The following SHANK2 variants were observed in gnomAD, a reference collection of about 807,000 sequenced individuals.
The protein encoded by SHANK2 is SH3 and multiple ankyrin repeat domains 2.
A neutral mutation model predicts 133.7 loss-of-function variants in SHANK2; 43 were observed. The ratio of observed to expected loss-of-function variants is 0.32; its 90% CI spans 0.25 to 0.41. The LOEUF (loss-of-function observed/expected upper bound fraction) is 0.41, where lower values mean the gene tolerates loss of function less well. Among genes scored for constraint, SHANK2 ranks in the 10% least tolerant of loss-of-function variants. The pLI is 1.00. For missense variants in SHANK2, 1,994 were observed against 2,235.8 expected, an observed-to-expected ratio of 0.89 and a Z score of 2.18; for synonymous variants, 1,017 against 952.8, an observed-to-expected ratio of 1.07 and a Z score of -1.24.
rs971522679 is a variant in SHANK2, at chr11:70,535,557, C to G, written c.2062-32626G>C. Among the ~76,000 whole-genome samples, 1 of 152,250 alleles carries G rather than the reference C, an allele frequency of 6.6e-6. No homozygotes were observed. The highest frequency in any genetic ancestry group is 1.5e-5 in the Non-Finnish European group (1 of 68,044). ...CCATCAGTCTATTCATCTGTCTGTT[C>G]GTCCATCTCCCCGTCCTTCTGTCTG... On this transcript the variant is annotated intron_variant, in intron 17 of 25. Transcript: ENST00000601538. The surrounding 1 kb of genome is among the most constrained non-coding windows in gnomAD (Gnocchi z 4.3).
chr11:70,541,380 T>A (rs1403546544), intron 17 of SHANK2, among the ~76,000 whole-genome samples: 1 of 152,208 alleles, frequency 6.6e-6, no homozygotes, highest in Non-Finnish European at 1.5e-5. Flanking sequence ...ATCCTTGGCT[T>A]CATCAAGAAA....
chr11:70,833,016 G>A (rs1278465131), intron 11 of SHANK2, among the ~76,000 whole-genome samples: 2 of 152,250 alleles, frequency 1.3e-5, no homozygotes, highest in Non-Finnish European at 1.5e-5. Flanking sequence ...CGTCCTCACT[G>A]CATTTGGAGT....
In SHANK2 at chr11:71,188,295, C is replaced by T. The variant is rs1455880362; in HGVS notation, c.-13+36402G>A. Among the ~76,000 whole-genome samples the T allele has an allele frequency of 3.3e-5, 5 of 152,086 alleles. No individual in the cohort carries two copies. Among genetic ancestry groups the T allele is most frequent in the African/African-American group, 1.2e-4 (5 of 41,392 alleles). ...GAGCTGCCCACTCACCATCCTACCC[C>T]CATCTGCCCAGCCCCTTCCAGCATA... On this transcript the variant is annotated intron_variant, in intron 2 of 25. Coordinates refer to ENST00000601538, the MANE Select transcript of SHANK2 (RefSeq NM_012309.5). This position sits in a 1 kb window ranked among gnomAD's most constrained non-coding sequence, Gnocchi z 4.6.
chr11:70,900,880 G>C (rs1950013120), intron 10 of SHANK2, among the ~76,000 whole-genome samples: 2 of 152,058 alleles, frequency 1.3e-5, no homozygotes, highest in Admixed American at 6.6e-5. Flanking sequence ...GTGTCAGGCT[G>C]GTGTCAGGCT....
intron 17 of SHANK2, among the ~76,000 whole-genome samples, chr11:70,517,100 G>A (rs1047597146): frequency 3.9e-5 from 6 of 152,258 alleles, no homozygotes; most frequent in African/African-American, 1.4e-4. Context: ...ACTCACCAAA[G>A]AAGATACACA....
intron 8 of SHANK2, among the ~76,000 whole-genome samples, chr11:71,082,711 G>T (rs944535492): frequency 6.6e-6 from 1 of 152,228 alleles, no homozygotes; most frequent in African/African-American, 2.4e-5. Flanking sequence ...ATCCGGCCAG[G>T]GATGGGCAGG....
chr11:71,083,643 TTG>T lies in SHANK2; in HGVS notation c.913-8370_913-8369del, dbSNP rs1951331553. Among the ~76,000 whole-genome samples the T allele has an allele frequency of 4.6e-5, 7 of 152,136 alleles. No homozygotes were observed. In the South Asian group the frequency reaches 1.2e-3, roughly 27 times the overall value. ...AGAGAGGGAGGGAGAGAGCCAGGCT[TTG>T]CCCCAAGGAAGGTACCGGGGTTCAG... On this transcript the variant is annotated intron_variant, in intron 8 of 25. Transcript: ENST00000601538.
At chr11:71,247,508 C>T (rs573720349) in intron 1 of SHANK2, among the ~76,000 whole-genome samples, 3 of 146,026 alleles carry the variant, frequency 2.1e-5, no homozygotes, top group African/African-American at 7.6e-5. Flanking sequence ...CTTTCAGGGA[C>T]AGACAAAAAA....
At chr11:70,784,115 C>G (rs1947581607) in intron 14 of SHANK2, among the ~76,000 whole-genome samples, 1 of 152,054 alleles carries the variant, frequency 6.6e-6, no homozygotes, top group Non-Finnish European at 1.5e-5. Flanking sequence ...GCCGGGCACC[C>G]TGTTCACCCA....
chr11:70,782,500 G>A (rs1463626115), intron 14 of SHANK2, among the ~76,000 whole-genome samples: 2 of 152,210 alleles, frequency 1.3e-5, no homozygotes. Flanking sequence ...GAGGCACTGG[G>A]CCAGGCCCGC....
intron 15 of SHANK2, among the ~76,000 whole-genome samples, chr11:70,692,358 T>C (rs1429061052): frequency 6.6e-6 from 1 of 152,204 alleles, no homozygotes; most frequent in Non-Finnish European, 1.5e-5. Flanking sequence ...AAACATATTT[T>C]CTCATTCATC....
intron 10 of SHANK2, among the ~76,000 whole-genome samples, chr11:70,918,426 T>C (rs7128027): frequency 0.98 from 148,665 of 152,354 alleles, 72,649 homozygotes; most frequent in East Asian, 1. Context: ...ATGCCAGGTA[T>C]AGCCCAGGTG....
intron 17 of SHANK2, among the ~76,000 whole-genome samples, chr11:70,523,075 G>A (rs2059351130): frequency 6.6e-6 from 1 of 152,234 alleles, no homozygotes; most frequent in Non-Finnish European, 1.5e-5. Context: ...TGCAATGCTG[G>A]TGTGGGTGTG....
At chr11:70,481,200 T>G (rs579298) in intron 25 of SHANK2, among the ~76,000 whole-genome samples, 103,681 of 152,128 alleles carry the variant, frequency 0.68, 36,674 homozygotes, top group East Asian at 0.84. Context: ...TCTAATATGA[T>G]GTACTTTTTT....
At chr11:70,860,251 T>A (rs1555067527) in intron 11 of SHANK2, among the ~76,000 whole-genome samples, 1 of 152,188 alleles carries the variant, frequency 6.6e-6, no homozygotes. Context: ...GGCTATGAGT[T>A]ACTTGGGTGC....
At chr11:70,747,266 G>T (rs552672455) in intron 14 of SHANK2, among the ~76,000 whole-genome samples, 20 of 152,186 alleles carry the variant, frequency 1.3e-4, no homozygotes, top group African/African-American at 4.3e-4. Flanking sequence ...GGGAGGTGGG[G>T]CTCGGTGCCA....
intron 3 of SHANK2, among the ~76,000 whole-genome samples, chr11:71,130,402 T>C (rs75415467): frequency 0.014 from 2,150 of 152,324 alleles, 56 homozygotes; most frequent in African/African-American, 0.05. Flanking sequence ...TACAGCAATG[T>C]AGCAAGAAGA....
At chr11:71,085,715 T>TAA (rs1555092670) in intron 8 of SHANK2, among the ~76,000 whole-genome samples, 12 of 64,862 alleles carry the variant, frequency 1.9e-4, no homozygotes, top group East Asian at 5.5e-4. Context: ...GTTATATATA[T>TAA]TATATTATAT....
intron 9 of SHANK2, among the ~76,000 whole-genome samples, chr11:71,072,705 T>C (rs1281349975): frequency 2.0e-5 from 3 of 152,166 alleles, no homozygotes; most frequent in Admixed American, 2.0e-4. Flanking sequence ...AAAACTATTA[T>C]TCAGCTTAAA....
Sources: allele counts gnomAD v4.1 joint callset (sites outside exome capture counted in the v4.1 genomes callset), GRCh38; gene constraint gnomAD v4.1.1; non-coding constraint Gnocchi (gnomAD v3.1); transcripts MANE v1.5; gene names NCBI Gene and HGNC (gene_info 2026-07-23, HGNC 2026-07-21).